Variants in TEKT1 observed in about 807,000 individuals in gnomAD.
TEKT1 encodes the protein tektin-1.
TEKT1 carries 32 observed loss-of-function variants against 34.8 expected under a neutral mutation model. The observed-to-expected ratio is 0.92, with a 90% confidence interval of 0.69 to 1.23. The LOEUF is 1.23. TEKT1 is among the 50% of genes most tolerant of loss of function. The probability of loss-of-function intolerance (pLI) is 0.00; values close to 1 mark genes in which losing one functional copy is unlikely to be tolerated. For missense variants in TEKT1, 492 were observed against 518.5 expected, an observed-to-expected ratio of 0.95 and a Z score of 0.50; for synonymous variants, 207 against 199.8, an observed-to-expected ratio of 1.04 and a Z score of -0.30.
In TEKT1 at chr17:6,799,388, G is replaced by C. The variant is rs1176224444; in HGVS notation, c.*639C>G. 6.6e-6 allele frequency: 1 copy of C among 152,112 alleles called. No homozygotes were observed. Among genetic ancestry groups the C allele is most frequent in the East Asian group, 1.9e-4 (1 of 5,190 alleles). 9.4% of individuals were successfully genotyped at this position (152,112 alleles called of 1,614,324 possible). On this transcript the variant is annotated 3_prime_UTR_variant, in exon 8 of 8. Coordinates refer to ENST00000338694, the MANE Select transcript of TEKT1 (RefSeq NM_053285.2). ...GTATAGGGTGGGACTGCTCACAATG[G>C]CTCACATTCATTAAACACTCACTGC...
intron 2 of TEKT1, among the ~76,000 whole-genome samples, chr17:6,828,239 C>T (rs1250006906): frequency 2.6e-5 from 4 of 152,184 alleles, no homozygotes; most frequent in South Asian, 2.1e-4. Flanking sequence ...CCACCATGCC[C>T]GGGCGCCTTC....
chr17:6,823,236 C>A (rs1282387379), intron 2 of TEKT1, among the ~76,000 whole-genome samples: 1 of 152,194 alleles, frequency 6.6e-6, no homozygotes, highest in African/African-American at 2.4e-5. Flanking sequence ...TCCTGACCCT[C>A]CAGCTTCAGA....
chr17:6,801,329 C>T (rs1976769217), intron 6 of TEKT1, among the ~76,000 whole-genome samples: 1 of 152,184 alleles, frequency 6.6e-6, no homozygotes, highest in South Asian at 2.1e-4. Context: ...CTAGCACCAG[C>T]TCTGTCCTCT....
In TEKT1 at chr17:6,813,001, C is replaced by A; in HGVS notation, c.682G>T (p.Ala228Ser). Residue 228 changes from alanine to serine, a missense_variant, in exon 6 of 8, where the codon GCT (alanine) becomes TCT (serine). Physicochemically the swap from Ala to Ser is moderately conservative, Grantham distance 99. Transcript: ENST00000338694. Reference sequence around the variant, plus strand: ...AGGGAGTTGTTCCGCTGCTTGTCAGCCTTCTCCACATTGGTGCTGGAGAAG... The same window carrying A: ...AGGGAGTTGTTCCGCTGCTTGTCAGACTTCTCCACATTGGTGCTGGAGAAG... ...LDFSSTNVEK[A>S]DKQRNNSLML... 3 of 1,614,196 alleles carry A rather than the reference C, an allele frequency of 1.9e-6. No individual in the cohort carries two copies. The highest frequency in any genetic ancestry group is 2.5e-6 in the Non-Finnish European group (3 of 1,180,040).
At chr17:6,826,029 A>AAAGTGATT (rs1230459193) in intron 2 of TEKT1, among the ~76,000 whole-genome samples, 7 of 152,232 alleles carry the variant, frequency 4.6e-5, no homozygotes, top group African/African-American at 1.7e-4. Flanking sequence ...AAAGCTTTCC[A>AAAGTGATT]AAGTGATTAC....
chr17:6,808,445 C>T (rs1976879689), intron 6 of TEKT1, among the ~76,000 whole-genome samples: 1 of 152,136 alleles, frequency 6.6e-6, no homozygotes, highest in Non-Finnish European at 1.5e-5. Context: ...CGTGCTTCGG[C>T]TTATGCTTGG....
chr17:6,818,064 G>A (rs1238814428), intron 3 of TEKT1, among the ~76,000 whole-genome samples: 2 of 152,136 alleles, frequency 1.3e-5, no homozygotes, highest in African/African-American at 2.4e-5. Context: ...CAGGGGCATG[G>A]TGCATTTGAG....
Position 6,800,133 on chromosome 17 carries a change from T to A in TEKT1, c.1151A>T (p.Tyr384Phe), listed in dbSNP as rs1264535749. 2 of 1,614,034 alleles carry A rather than the reference T, an allele frequency of 1.2e-6. No homozygotes were observed. The highest frequency in any genetic ancestry group is 1.7e-5 in the Admixed American group (1 of 60,006). The change falls in exon 8 of 8, where the codon TAT becomes TTT. Residue 384 changes from tyrosine to phenylalanine, a missense_variant. Tyr to Phe is a conservative substitution (Grantham distance 22). Transcript: ENST00000338694. The part of the protein sequence containing the change: ...EEIQVKENTI[Y>F]IDEVLCMQMR... ...CTGCATACACAGCACTTCGTCGATA[T>A]AAATGGTGTTCTCTTTGACCTGGAT...
chr17:6,818,870 T>C (rs1452331360), intron 3 of TEKT1, among the ~76,000 whole-genome samples: 1 of 152,218 alleles, frequency 6.6e-6, no homozygotes, highest in African/African-American at 2.4e-5. Context: ...CTGGACTGAC[T>C]ATCTCTAGAC....
In TEKT1 at chr17:6,816,012, A is replaced by G. The variant is rs765926832; in HGVS notation, c.357-50T>C. On this transcript the variant is annotated intron_variant, in intron 3 of 7. Transcript: ENST00000338694. ...CAGCCAACACGTGCAACATGAGGTG[A>G]CTCAACATTGGCTAATGGCTGCACA... 10 of 1,607,692 alleles carry G rather than the reference A, an allele frequency of 6.2e-6. No individual in the cohort carries two copies. The East Asian group carries it at 2.2e-4, about 36-fold the overall frequency.
Position 6,815,272 on chromosome 17 carries a change from C to A in TEKT1, c.520G>T (p.Asp174Tyr). The A allele has an allele frequency of 1.2e-6, 2 of 1,614,206 alleles. No individual in the cohort carries two copies. The highest frequency in any genetic ancestry group is 1.3e-5 in the African/African-American group (1 of 75,042). ...AGGGCCACAAACTTGTCCTTCAAAT[C>A]CTTCTCAAGATTGTACTTGGCAGAG... ...NRSAKYNLEK[D>Y]LKDKFVALTI... Residue 174 changes from aspartate to tyrosine, a missense_variant, in exon 5 of 8, where the codon GAT becomes TAT. Physicochemically the swap from Asp to Tyr is radical, Grantham distance 160. Coordinates refer to ENST00000338694, the MANE Select transcript of TEKT1 (RefSeq NM_053285.2).
intron 5 of TEKT1, among the ~76,000 whole-genome samples, chr17:6,814,382 TATA>T (rs1321328701): frequency 2.0e-5 from 3 of 152,224 alleles, no homozygotes; most frequent in African/African-American, 4.8e-5. Context: ...TAGGCTGTGA[TATA>T]ATGTTAACCG....
At chr17:6,800,269 C>G in intron 7 of TEKT1, 35 bp from the exon 8 acceptor site, 3 of 1,592,576 alleles carry the variant, frequency 1.9e-6, no homozygotes, top group Non-Finnish European at 2.6e-6. Context: ...AGAATAATTT[C>G]TCTCTATGCA....
chr17:6,804,513 G>A (rs992327447), intron 6 of TEKT1, among the ~76,000 whole-genome samples: 1 of 152,156 alleles, frequency 6.6e-6, no homozygotes, highest in Non-Finnish European at 1.5e-5. Context: ...TAGGAGTGGT[G>A]AGAGAGGGCA....
intron 2 of TEKT1, 81 bp from the exon 3 acceptor site, chr17:6,819,439 G>A: frequency 7.0e-7 from 1 of 1,420,746 alleles, no homozygotes; most frequent in South Asian, 1.5e-5. Flanking sequence ...GAAGACTGTT[G>A]TAAAACCACC....
chr17:6,829,429 A>G (rs1444025928), intron 2 of TEKT1, among the ~76,000 whole-genome samples: 1 of 151,836 alleles, frequency 6.6e-6, no homozygotes, highest in Non-Finnish European at 1.5e-5. Context: ...ACCTATGCAC[A>G]TCTTCCCATA....
In TEKT1 at chr17:6,819,219, G is replaced by A. The variant is rs754194048; in HGVS notation, c.330C>T (p.His110=). 23 of 1,613,752 alleles carry A rather than the reference G, an allele frequency of 1.4e-5. No homozygotes were observed. The highest frequency in any genetic ancestry group is 2.7e-5 in the African/African-American group (2 of 74,910). The stretch of plus-strand genomic sequence containing the variant: ...TGTATGCCAGGCATGTCTCAGTGAT[G>A]TGCAAGGGCTCTTTCAAGGTCTCCA... ...KALETLKEPL[H]ITETCLAYRE... is the part of the protein sequence containing the mutation. Residue 110 remains histidine, a synonymous_variant, in exon 3 of 8, where the codon CAC becomes CAT. Transcript: ENST00000338694.
At chr17:6,831,056 A>G (rs984972739) in intron 1 of TEKT1, among the ~76,000 whole-genome samples, 1 of 149,586 alleles carries the variant, frequency 6.7e-6, no homozygotes, top group African/African-American at 2.5e-5. Context: ...GGAGGAGGAA[A>G]TGTAACATGT....
intron 6 of TEKT1, among the ~76,000 whole-genome samples, chr17:6,805,187 T>C (rs1445254970): frequency 6.6e-6 from 1 of 152,208 alleles, no homozygotes; most frequent in Non-Finnish European, 1.5e-5. Context: ...CCTGGTTTAG[T>C]CTTGGGAGGG....
Sources: gnomAD v4.1 joint callset for allele counts (sites outside exome capture counted in the v4.1 genomes callset) on GRCh38, gnomAD v4.1.1 for gene constraint, MANE v1.5 for transcripts, NCBI Gene and HGNC (gene_info 2026-07-23, HGNC 2026-07-21) for gene names.